The following UBE2A variants were observed in gnomAD, a reference collection of about 807,000 sequenced individuals.
The protein encoded by UBE2A is ubiquitin conjugating enzyme E2 A, also known as ubiquitin-conjugating enzyme E2 A.
For missense variants in UBE2A, 27 were observed against 125.8 expected (o/e 0.21, Z 3.76); for synonymous variants, 39 against 41.1 (o/e 0.95, Z 0.20).
intron 2 of UBE2A, 85 bp downstream of exon 2, chrX:119,575,066 G>C (rs1367246497): frequency 1.8e-6 from 2 of 1,115,404 alleles, no homozygotes; most frequent in Non-Finnish European, 2.5e-6. Flanking sequence ...CCCCGCGGAG[G>C]CCGAGCGGGT....
intron 4 of UBE2A, among the ~76,000 whole-genome samples, chrX:119,582,134 C>T (rs932061273): frequency 8.9e-6 from 1 of 112,109 alleles, no homozygotes; most frequent in Non-Finnish European, 1.9e-5. Flanking sequence ...AACAGCTTGC[C>T]TTTTATTTAG....
Position 119,574,578 on chromosome X carries a change from T to C in UBE2A, c.-134T>C. On this transcript the variant is annotated 5_prime_UTR_variant, in exon 1 of 6. Transcript: ENST00000371558. ...AGCCGGCGCCAGACCGACCCTCGAC[T>C]TCGGAGAGGCAGCGCGGTTCCTCTG... 1.1e-6 allele frequency: 1 copy of C among 908,045 alleles called. No individual in the cohort carries two copies. 74.8% of individuals were successfully genotyped at this position (908,045 alleles called of 1,213,427 possible).
intron 3 of UBE2A, among the ~76,000 whole-genome samples, chrX:119,576,710 C>G (rs753619994): frequency 1.9e-4 from 21 of 111,840 alleles, no homozygotes; most frequent in South Asian, 3.7e-4. Context: ...GGACAGTCAC[C>G]TGAATATTTT....
chrX:119,576,753 A>G (rs1443574544), intron 3 of UBE2A, among the ~76,000 whole-genome samples: 2 of 111,713 alleles, frequency 1.8e-5, no homozygotes, highest in Non-Finnish European at 3.8e-5. Context: ...CCCTGGGTAA[A>G]TATCATTACT....
intron 3 of UBE2A, chrX:119,581,172 G>A (rs1468995005): frequency 1.9e-5 from 3 of 154,155 alleles, no homozygotes; most frequent in East Asian, 1.8e-4. Flanking sequence ...AGGCCTTTGA[G>A]GTCTTTTGGT....
intron 4 of UBE2A, chrX:119,582,277 A>C (rs2053455298): frequency 6.6e-6 from 1 of 152,475 alleles, no homozygotes; most frequent in South Asian, 1.8e-4. Flanking sequence ...TGAATTTCCC[A>C]CATGTCTGTG....
At chrX:119,576,706 T>C (rs1016280366) in intron 3 of UBE2A, among the ~76,000 whole-genome samples, 3 of 111,970 alleles carry the variant, frequency 2.7e-5, no homozygotes, top group African/African-American at 9.7e-5. Context: ...CTGTGGACAG[T>C]CACCTGAATA....
intron 3 of UBE2A, 67 bp downstream of exon 3, chrX:119,575,467 C>A: frequency 3.4e-6 from 4 of 1,185,961 alleles, no homozygotes; most frequent in Non-Finnish European, 4.6e-6. Flanking sequence ...TCCCAGTCAT[C>A]CTGGAAGTGT....
Position 119,581,566 on chromosome X carries a change from A to G in UBE2A, c.211A>G (p.Arg71Gly). 8.3e-7 allele frequency: 1 copy of G among 1,205,026 alleles called. No individual in the cohort carries two copies. Among genetic ancestry groups the G allele is most frequent in the Non-Finnish European group, 1.1e-6 (1 of 888,909 alleles). ...ATATCCAAATAAACCACCTACAGTT[A>G]GATTTGTCTCTAAGATGTTCCATCC... ...EEYPNKPPTVRFVSKMFHPNV... is the reference protein window; with the variant it reads ...EEYPNKPPTVGFVSKMFHPNV... Residue 71 changes from arginine (R) to glycine (G), a missense_variant, in exon 4 of 6, where the codon AGA becomes GGA. Physicochemically the swap from Arg to Gly is moderately radical, Grantham distance 125. Transcript: ENST00000371558.
intron 3 of UBE2A, among the ~76,000 whole-genome samples, chrX:119,576,651 A>G (rs1410955659): frequency 1.8e-5 from 2 of 111,696 alleles, no homozygotes; most frequent in African/African-American, 6.5e-5. Context: ...GTCAATTTCA[A>G]CTAAGTCTGT....
At position 119,574,883 on chromosome X, in the gene UBE2A, C is replaced by T; in HGVS notation, c.45-18C>T. ...CGCCAGTGCCGGCCTAGGGGGACCC[C>T]TGTCTGTCTTCCCGAAGGTTGCAGG... On this transcript the variant is annotated intron_variant, in intron 1 of 5. Coordinates refer to ENST00000371558, the MANE Select transcript of UBE2A (RefSeq NM_003336.4). 5 of 1,211,434 alleles carry T rather than the reference C, an allele frequency of 4.1e-6. No homozygotes were observed. Among genetic ancestry groups the T allele is most frequent in the Non-Finnish European group, 5.6e-6 (5 of 894,970 alleles).
At chrX:119,575,440 T>A (rs756664632) in intron 3 of UBE2A, 40 bp downstream of exon 3, 9 of 1,207,360 alleles carry the variant, frequency 7.5e-6, no homozygotes. Flanking sequence ...AGGAGCCTGG[T>A]CATCTGGGGA....
intron 3 of UBE2A, among the ~76,000 whole-genome samples, chrX:119,578,357 T>C (rs1022299895): frequency 8.9e-6 from 1 of 111,918 alleles, no homozygotes; most frequent in Non-Finnish European, 1.9e-5. Context: ...CATGGTAAGG[T>C]ACTGGTATTT....
At chrX:119,578,724 C>G (rs2053433435) in intron 3 of UBE2A, among the ~76,000 whole-genome samples, 1 of 111,452 alleles carries the variant, frequency 9.0e-6, no homozygotes, top group South Asian at 3.8e-4. Flanking sequence ...TATACCCCCT[C>G]TAGTTCAACC....
At chrX:119,580,110 A>T (rs1351002179) in intron 3 of UBE2A, among the ~76,000 whole-genome samples, 1 of 111,788 alleles carries the variant, frequency 8.9e-6, no homozygotes, top group Non-Finnish European at 1.9e-5. Flanking sequence ...TTACTTTCTT[A>T]GTTATAATAC....
At chrX:119,578,835 C>G (rs755927016) in intron 3 of UBE2A, among the ~76,000 whole-genome samples, 20 of 111,763 alleles carry the variant, frequency 1.8e-4, no homozygotes, top group Non-Finnish European at 3.4e-4. Flanking sequence ...CTTACGATGT[C>G]TTAGCCTCCT....
chrX:119,575,109 G>T, intron 2 of UBE2A, 128 bp downstream of exon 2: 1 of 905,468 alleles, frequency 1.1e-6, no homozygotes, highest in Non-Finnish European at 1.6e-6. Flanking sequence ...CTGGGCCTAG[G>T]CGCCTCCCCG....
At chrX:119,577,841 T>C (rs746670150) in intron 3 of UBE2A, among the ~76,000 whole-genome samples, 158 of 109,436 alleles carry the variant, frequency 1.4e-3, no homozygotes, top group African/African-American at 4.8e-3. Context: ...GGGGTTTCAC[T>C]ATGTTGGGCA....
At chrX:119,581,286 GC>G (rs1360474658) in intron 3 of UBE2A, 6 of 309,006 alleles carry the variant, frequency 1.9e-5, no homozygotes, top group African/African-American at 5.4e-5. Context: ...GTTTATGATG[GC>G]TGTCTCCAAG....
Sources: allele counts gnomAD v4.1 joint callset (sites outside exome capture counted in the v4.1 genomes callset), GRCh38; gene constraint gnomAD v4.1.1; transcripts MANE v1.5; gene names NCBI Gene and HGNC (gene_info 2026-07-23, HGNC 2026-07-21).